NCOA3: variants seen among roughly 807,000 people sequenced by gnomAD.
NCOA3 encodes the protein CBP-interacting protein.
A neutral mutation model predicts 158.8 loss-of-function variants in NCOA3; 51 were observed. That is an observed-to-expected ratio of 0.32 (90% CI 0.26 to 0.41). NCOA3 has a LOEUF of 0.41. Ranked by LOEUF, NCOA3 falls within the 10% of genes least tolerant of loss-of-function variation. The pLI, the probability that NCOA3 is intolerant of heterozygous loss-of-function variation, is 1.00. For missense variants in NCOA3, 1,510 were observed against 1,746.6 expected (o/e 0.86, Z 2.41); for synonymous variants, 537 against 592.4 (o/e 0.91, Z 1.36).
intron 2 of NCOA3, among the ~76,000 whole-genome samples, chr20:47,614,911 G>A (rs1349109008): frequency 6.6e-6 from 1 of 152,164 alleles, no homozygotes; most frequent in Non-Finnish European, 1.5e-5. Context: ...ACCTCTCAGT[G>A]TTCTTACTGA....
chr20:47,585,046 CT>C (rs11473989), intron 2 of NCOA3, among the ~76,000 whole-genome samples: 80 of 91,302 alleles, frequency 8.8e-4, no homozygotes, highest in South Asian at 1.5e-3. Context: ...CCTTTCTTAA[CT>C]TTTTTTTTTT....
chr20:47,563,897 AAAAAAAAG>A (rs920503037), intron 1 of NCOA3, among the ~76,000 whole-genome samples: 5 of 150,692 alleles, frequency 3.3e-5, no homozygotes, highest in African/African-American at 1.2e-4. Flanking sequence ...TCAAAAAAAA[AAAAAAAAG>A]AAAGAAAAAA....
intron 2 of NCOA3, among the ~76,000 whole-genome samples, chr20:47,618,052 CATGG>C (rs1482155083): frequency 1.4e-4 from 22 of 152,172 alleles, no homozygotes; most frequent in Admixed American, 1.4e-3. Flanking sequence ...GCCTGGCCAT[CATGG>C]TGAAACCCTG....
chr20:47,633,894 GTTC>G, intron 9 of NCOA3, 151 bp from the exon 10 acceptor site: 1 of 1,010,454 alleles, frequency 9.9e-7, no homozygotes, highest in Non-Finnish European at 1.4e-6. Flanking sequence ...ATGCCTGAGT[GTTC>G]TTATTTTACC....
At chr20:47,618,574 G>T (rs925618242) in intron 2 of NCOA3, among the ~76,000 whole-genome samples, 6 of 151,996 alleles carry the variant, frequency 3.9e-5, no homozygotes, top group Non-Finnish European at 7.4e-5. Context: ...GGCTGGTCTC[G>T]AACTCCCGAC....
rs115209200 is a variant in NCOA3 at position 47,573,728 on chromosome 20, T to G, written c.-98-9455T>G. Among the ~76,000 whole-genome samples, 191 of 152,308 alleles carry G rather than the reference T, an allele frequency of 1.3e-3. 1 individual carries two copies. Among genetic ancestry groups the G allele is most frequent in the African/African-American group, 4.2e-3 (173 of 41,566 alleles). ...GAGGGAGTATGAAAAACTAATTTAA[T>G]TTTACCCTTTGTCTTTCAGGTTTGT... On this transcript the variant is annotated intron_variant, in intron 1 of 22. Coordinates refer to ENST00000371998, the MANE Select transcript of NCOA3 (RefSeq NM_181659.3).
At chr20:47,522,406 C>CTTTTTTTTTTTTTTTTTTTTTTTTTTTTT (rs3091963) in intron 1 of NCOA3, among the ~76,000 whole-genome samples, 1 of 128,164 alleles carries the variant, frequency 7.8e-6, no homozygotes, top group African/African-American at 3.0e-5. Context: ...GCGCCCGGCC[C>CTTTTTTTTTTTTTTTTTTTTTTTTTTTTT]TTTTTTTTTT....
chr20:47,543,952 A>T (rs1032783234), intron 1 of NCOA3, among the ~76,000 whole-genome samples: 2 of 151,864 alleles, frequency 1.3e-5, no homozygotes, highest in East Asian at 3.8e-4. Flanking sequence ...GGTAAAAAAC[A>T]TTTTTTTTCT....
In NCOA3 at chr20:47,656,742, A is replaced by T. The variant is rs2086883870; in HGVS notation, c.*3325A>T. The T allele has an allele frequency of 6.6e-6, 1 of 152,510 alleles. No homozygotes were observed. Among genetic ancestry groups the T allele is most frequent in the African/African-American group, 2.4e-5 (1 of 41,364 alleles). The allele number at this position is 152,510 out of a possible 1,614,324, so 9.4% of individuals were successfully genotyped here. A position where few individuals can be genotyped will look rare whatever the true frequency, so the allele number is the denominator to read the frequency against. On this transcript the variant is annotated 3_prime_UTR_variant, in exon 23 of 23. Coordinates refer to ENST00000371998, the MANE Select transcript of NCOA3 (RefSeq NM_181659.3). ...CAATCAAGTTTACATTATGTTGCTT[A>T]AAAAAATAGAAATTATTCTTTATCT...
Position 47,651,200 on chromosome 20 carries a change from C to T in NCOA3, c.3870C>T (p.Pro1290=). The T allele has an allele frequency of 6.2e-7, 1 of 1,614,088 alleles. No individual in the cohort carries two copies. The highest frequency in any genetic ancestry group is 8.5e-7 in the Non-Finnish European group (1 of 1,179,996). The part of the protein sequence containing the change: ...FSPPPNVTAS[P]SMDGLLAGPT... ...CACCTCCTAATGTGACTGCTTCCCCCAGCATGGATGGGCTTTTGGCAGGAC... is the reference window on the plus strand; with the variant it reads ...CACCTCCTAATGTGACTGCTTCCCCTAGCATGGATGGGCTTTTGGCAGGAC... The change falls in exon 20 of 23, where the codon CCC becomes CCT. Residue 1290 remains proline (P), a synonymous_variant. Coordinates refer to ENST00000371998, the MANE Select transcript of NCOA3 (RefSeq NM_181659.3).
At chr20:47,635,202 T>C (rs547759696) in intron 10 of NCOA3, 120 bp from the exon 11 acceptor site, 1 of 976,212 alleles carries the variant, frequency 1.0e-6, no homozygotes, top group East Asian at 2.6e-5. Context: ...GTGCTGGGAA[T>C]ATAGGTGTTA....
chr20:47,531,623 T>C (rs2084549165), intron 1 of NCOA3, among the ~76,000 whole-genome samples: 1 of 152,174 alleles, frequency 6.6e-6, no homozygotes, highest in African/African-American at 2.4e-5. Context: ...TGTGATCTGC[T>C]CCTCCCTTGT....
chr20:47,652,822 C>A, intron 21 of NCOA3, 109 bp from the exon 22 acceptor site: 1 of 1,308,486 alleles, frequency 7.6e-7, no homozygotes, highest in Non-Finnish European at 1.1e-6. Flanking sequence ...CTCTAACATT[C>A]CCAGCTTAAG....
intron 1 of NCOA3, among the ~76,000 whole-genome samples, chr20:47,515,225 C>T (rs945579818): frequency 6.6e-6 from 1 of 151,336 alleles, no homozygotes. Flanking sequence ...TGCAGTGGCA[C>T]GATCTCCGCT....
rs554511186 is a variant in NCOA3, at chr20:47,592,075, T to C, written c.-20+8814T>C. On this transcript the variant is annotated intron_variant, in intron 2 of 22. Transcript: ENST00000371998. Reference sequence around the variant, plus strand: ...CTTTTGTTTTGAGGTGGAGTTTCGTTCTTGTACCCCAGGCTGGAGTGCAGT... The same window carrying C: ...CTTTTGTTTTGAGGTGGAGTTTCGTCCTTGTACCCCAGGCTGGAGTGCAGT... Among the ~76,000 whole-genome samples, 6 of 152,262 alleles carry C rather than the reference T, an allele frequency of 3.9e-5. No individual in the cohort carries two copies. The South Asian group carries it at 1.2e-3, about 32-fold the overall frequency.
At chr20:47,541,751 A>C (rs1049462656) in intron 1 of NCOA3, among the ~76,000 whole-genome samples, 1 of 151,804 alleles carries the variant, frequency 6.6e-6, no homozygotes, top group Admixed American at 6.6e-5. Flanking sequence ...GTATCTATAA[A>C]AGATACAACT....
chr20:47,634,110 G>C lies in NCOA3; in HGVS notation c.1027G>C (p.Val343Leu). ...ATTCTCGTTGGCTGATGGAACTATA[G>C]TGACTGCACAGACAAAAAGCAAACT... ...YRFSLADGTI[V>L]TAQTKSKLFR... is the part of the protein sequence containing the mutation. The change falls in exon 10 of 23, where the codon GTG becomes CTG. Residue 343 changes from valine to leucine, a missense_variant. This residue lies in a region of NCOA3 where 309 missense variants were observed against 427.1 expected (regional missense o/e 0.72). Coordinates refer to ENST00000371998, the MANE Select transcript of NCOA3 (RefSeq NM_181659.3). The C allele has an allele frequency of 6.2e-7, 1 of 1,614,124 alleles. No individual in the cohort carries two copies. The highest frequency in any genetic ancestry group is 8.5e-7 in the Non-Finnish European group (1 of 1,180,024).
chr20:47,505,954 G>A (rs571868434), intron 1 of NCOA3, among the ~76,000 whole-genome samples: 1 of 151,962 alleles, frequency 6.6e-6, no homozygotes, highest in Non-Finnish European at 1.5e-5. Context: ...ACCGGCGCTC[G>A]CCACCATGCC....
intron 1 of NCOA3, among the ~76,000 whole-genome samples, 163 bp from the exon 2 acceptor site, chr20:47,583,020 C>A (rs2085479270): frequency 6.6e-6 from 1 of 152,226 alleles, no homozygotes; most frequent in Non-Finnish European, 1.5e-5. Flanking sequence ...GCCTTGAACT[C>A]CTGACCTCAA....
Sources: gnomAD v4.1 joint callset for allele counts (sites outside exome capture counted in the v4.1 genomes callset) on GRCh38, gnomAD v4.1.1 for gene constraint, gnomAD v4.1.1 regional missense constraint, MANE v1.5 for transcripts, NCBI Gene and HGNC (gene_info 2026-07-23, HGNC 2026-07-21) for gene names.